ARID1B: variants seen among roughly 807,000 people sequenced by gnomAD.
ARID1B encodes AT-rich interactive domain-containing protein 1B.
Under a neutral mutation model 212.3 loss-of-function variants are expected in ARID1B, and 30 were observed. The ratio of observed to expected loss-of-function variants is 0.14; its 90% CI spans 0.11 to 0.19. The LOEUF (loss-of-function observed/expected upper bound fraction) is 0.19. Ranked by LOEUF, ARID1B falls within the 10% of genes least tolerant of loss-of-function variation. The pLI is 1.00. For synonymous variants in ARID1B, 1,402 were observed against 1,301.7 expected (o/e 1.08, Z -1.66); for missense variants, 2,891 against 3,204.0 (o/e 0.90, Z 2.36).
chr6:157,007,901 C>T (rs916903785), intron 4 of ARID1B, among the ~76,000 whole-genome samples: 1 of 152,080 alleles, frequency 6.6e-6, no homozygotes, highest in African/African-American at 2.4e-5. Flanking sequence ...TGGTCTCGAT[C>T]TCCTGACCTC....
chr6:157,018,106 T>A (rs1021242939), intron 4 of ARID1B, among the ~76,000 whole-genome samples: 14 of 151,456 alleles, frequency 9.2e-5, no homozygotes, highest in African/African-American at 3.4e-4. Flanking sequence ...CATTCCAGCC[T>A]GGGCAACAGA....
chr6:157,126,497 G>T (rs1788145350), intron 6 of ARID1B, among the ~76,000 whole-genome samples: 1 of 152,020 alleles, frequency 6.6e-6, no homozygotes, highest in Admixed American at 6.6e-5. Context: ...GGGTATCTCT[G>T]CATTTGGAAT....
At chr6:157,059,110 G>A (rs541534996) in intron 4 of ARID1B, among the ~76,000 whole-genome samples, 1 of 151,710 alleles carries the variant, frequency 6.6e-6, no homozygotes, top group South Asian at 2.1e-4. Context: ...TCGACAGTGT[G>A]TGGTATCTGT....
rs555625792 is a variant in ARID1B, at chr6:157,028,180, A to G, written c.2248-56482A>G. ...AAGATAAATATTTAGAATATGACTA[A>G]ACATTATCTCACTTTTTGTAAAGTT... On this transcript the variant is annotated intron_variant, in intron 4 of 19. Coordinates refer to ENST00000636930, the MANE Select transcript of ARID1B (RefSeq NM_001374828.1). Among the ~76,000 whole-genome samples, 225 of 152,322 alleles carry G rather than the reference A, an allele frequency of 1.5e-3. 2 individuals carry two copies. The highest frequency in any genetic ancestry group is 5.2e-3 in the African/African-American group (215 of 41,574).
At chr6:157,021,802 GAC>G (rs1351355667) in intron 4 of ARID1B, among the ~76,000 whole-genome samples, 1 of 152,062 alleles carries the variant, frequency 6.6e-6, no homozygotes, top group Non-Finnish European at 1.5e-5. Flanking sequence ...AGTTTCTGCT[GAC>G]ACAGCTTCGC....
intron 2 of ARID1B, among the ~76,000 whole-genome samples, chr6:156,876,734 C>A (rs1252027512): frequency 6.6e-6 from 1 of 152,222 alleles, no homozygotes; most frequent in South Asian, 2.1e-4. Flanking sequence ...CCGTCACTGG[C>A]GTGGGCAGTT....
intron 3 of ARID1B, among the ~76,000 whole-genome samples, chr6:156,922,317 T>C (rs971388697): frequency 6.6e-6 from 1 of 151,826 alleles, no homozygotes; most frequent in African/African-American, 2.4e-5. Context: ...GGGTTACAGG[T>C]GCATGCCACC....
At chr6:157,093,444 C>G (rs1034494833) in intron 5 of ARID1B, among the ~76,000 whole-genome samples, 1 of 152,230 alleles carries the variant, frequency 6.6e-6, no homozygotes, top group Non-Finnish European at 1.5e-5. Flanking sequence ...AATTCACACA[C>G]TTGCATCTTT....
rs1011344782 is a variant in ARID1B at position 157,198,861 on chromosome 6, A to T, written c.4433A>T (p.Gln1478Leu). ...CCAGGCCAAGGCCCTCCCTCGGGACAGCCGCCGTATGGAGGGCACCAGCCC... is the reference window on the plus strand; with the variant it reads ...CCAGGCCAAGGCCCTCCCTCGGGACTGCCGCCGTATGGAGGGCACCAGCCC... ...QYPGQGPPSG[Q>L]PPYGGHQPGL... Residue 1478 changes from glutamine (Q) to leucine (L), a missense_variant, in exon 17 of 20, where the codon CAG becomes CTG. Transcript: ENST00000636930. 4 of 1,611,102 alleles carry T rather than the reference A, an allele frequency of 2.5e-6. No individual in the cohort carries two copies. In the African/African-American group the frequency reaches 4.0e-5, roughly 16 times the overall value.
chr6:157,010,114 A>G (rs1036364198), intron 4 of ARID1B, among the ~76,000 whole-genome samples: 24 of 152,304 alleles, frequency 1.6e-4, no homozygotes, highest in African/African-American at 5.3e-4. Context: ...GAGGGAACCT[A>G]AAGTGATCAC....
rs188069853 is a variant in ARID1B at position 156,913,267 on chromosome 6, A to G, written c.2136+11742A>G. Among the ~76,000 whole-genome samples, 7 of 140,480 alleles carry G rather than the reference A, an allele frequency of 5.0e-5. No homozygotes were observed. In the East Asian group the frequency reaches 1.4e-3, roughly 29 times the overall value. 92.2% of individuals were successfully genotyped at this position (140,480 alleles called of 152,430 possible). On this transcript the variant is annotated intron_variant, in intron 3 of 19. Transcript: ENST00000636930. ...AGTATCGCCCTGTCACTCAGGCTGGAGTGCAGTGGCGCGATCTGGGCTCAC... is the reference window on the plus strand; with the variant it reads ...AGTATCGCCCTGTCACTCAGGCTGGGGTGCAGTGGCGCGATCTGGGCTCAC...
At chr6:156,792,858 G>A (rs564566382) in intron 1 of ARID1B, among the ~76,000 whole-genome samples, 1 of 152,310 alleles carries the variant, frequency 6.6e-6, no homozygotes, top group East Asian at 1.9e-4. Context: ...TAGTCCTTAG[G>A]ATGTCTGTGT....
intron 15 of ARID1B, chr6:157,193,965 G>A (rs1793554931): frequency 6.6e-6 from 1 of 152,220 alleles, no homozygotes; most frequent in Admixed American, 6.5e-5. Flanking sequence ...ATGTGAGAGT[G>A]TGCGGGTTCT....
chr6:156,815,950 C>T (rs574310928), intron 1 of ARID1B, among the ~76,000 whole-genome samples: 1 of 152,280 alleles, frequency 6.6e-6, no homozygotes, highest in South Asian at 2.1e-4. Flanking sequence ...TTGAGTTCAA[C>T]CAAGTTAAGT....
intron 4 of ARID1B, among the ~76,000 whole-genome samples, chr6:157,031,821 T>G (rs1186566517): frequency 6.6e-6 from 1 of 151,786 alleles, no homozygotes; most frequent in African/African-American, 2.4e-5. Context: ...AGATGGTGCC[T>G]CACTCTGTTG....
At chr6:157,024,800 A>T (rs894469828) in intron 4 of ARID1B, 5 of 152,148 alleles carry the variant, frequency 3.3e-5, no homozygotes, top group Non-Finnish European at 7.3e-5. Flanking sequence ...AAAACCCAAA[A>T]TCTGGCTTTT....
intron 6 of ARID1B, among the ~76,000 whole-genome samples, chr6:157,112,259 A>C (rs1786976521): frequency 6.6e-6 from 1 of 152,200 alleles, no homozygotes; most frequent in Non-Finnish European, 1.5e-5. Flanking sequence ...TCATCTCTCT[A>C]AATTGCTTGA....
intron 13 of ARID1B, among the ~76,000 whole-genome samples, chr6:157,186,858 T>C (rs1793011422): frequency 6.6e-6 from 1 of 152,230 alleles, no homozygotes; most frequent in Non-Finnish European, 1.5e-5. Context: ...CTAAGAGCAC[T>C]CTAAGTCATC....
intron 2 of ARID1B, among the ~76,000 whole-genome samples, chr6:156,889,943 C>CCA (rs1339329160): frequency 1.3e-5 from 2 of 152,126 alleles, no homozygotes; most frequent in African/African-American, 4.8e-5. Context: ...TTTATGAAAA[C>CCA]TAAAGGATGT....
Sources: allele counts gnomAD v4.1 joint callset (sites outside exome capture counted in the v4.1 genomes callset), GRCh38; gene constraint gnomAD v4.1.1; transcripts MANE v1.5; gene names NCBI Gene and HGNC (gene_info 2026-07-23, HGNC 2026-07-21).